Variants in DPEP1 observed in about 807,000 individuals in gnomAD.
The protein encoded by DPEP1 is beta-lactamase.
In DPEP1, 50 loss-of-function variants were observed where a neutral mutation model predicts 42.3. The observed-to-expected ratio is 1.18, with a 90% confidence interval of 0.94 to 1.50. The LOEUF (loss-of-function observed/expected upper bound fraction) is 1.50, where lower values mean the gene tolerates loss of function less well. Ranked by LOEUF, DPEP1 falls within the 40% of genes most tolerant of loss-of-function variation. The probability of loss-of-function intolerance (pLI) is 0.00; values close to 1 mark genes in which losing one functional copy is unlikely to be tolerated. For synonymous variants in DPEP1, 297 were observed against 234.0 expected, an observed-to-expected ratio of 1.27 and a Z score of -2.46; for missense variants, 663 against 553.0, an observed-to-expected ratio of 1.20 and a Z score of -1.99.
chr16:89,629,703 G>A (rs1476910665), intron 1 of DPEP1, among the ~76,000 whole-genome samples: 2 of 152,198 alleles, frequency 1.3e-5, no homozygotes, highest in Non-Finnish European at 2.9e-5. Context: ...GCTCTGCTGA[G>A]TCCTAGAGAG....
intron 1 of DPEP1, among the ~76,000 whole-genome samples, chr16:89,614,594 A>T (rs892539072): frequency 1.3e-5 from 2 of 152,192 alleles, no homozygotes; most frequent in African/African-American, 4.8e-5. Context: ...GGAGATCGAG[A>T]CCATCCTGGC....
At chr16:89,621,640 G>A (rs1206987370) in intron 1 of DPEP1, among the ~76,000 whole-genome samples, 1 of 152,232 alleles carries the variant, frequency 6.6e-6, no homozygotes, top group Non-Finnish European at 1.5e-5. Context: ...GCCCCACGCT[G>A]AGTGTGGGCT....
intron 1 of DPEP1, among the ~76,000 whole-genome samples, chr16:89,621,848 C>T (rs899935258): frequency 1.2e-4 from 19 of 152,176 alleles, no homozygotes; most frequent in African/African-American, 4.6e-4. Flanking sequence ...CCCAGGTGTT[C>T]TCGTCTGCGA....
At chr16:89,622,636 T>C (rs2059459358) in intron 1 of DPEP1, among the ~76,000 whole-genome samples, 1 of 151,692 alleles carries the variant, frequency 6.6e-6, no homozygotes. Context: ...ATACAAAAAT[T>C]AGTCGGGCGT....
At chr16:89,623,455 G>T (rs2059469973) in intron 1 of DPEP1, among the ~76,000 whole-genome samples, 1 of 152,186 alleles carries the variant, frequency 6.6e-6, no homozygotes, top group Non-Finnish European at 1.5e-5. Flanking sequence ...TAGTGACAAA[G>T]ATTGCCCGCT....
intron 1 of DPEP1, among the ~76,000 whole-genome samples, chr16:89,625,275 C>G (rs1444931844): frequency 6.6e-6 from 1 of 152,150 alleles, no homozygotes; most frequent in East Asian, 1.9e-4. Context: ...GTTCCCTGCC[C>G]CCAGACCCTA....
chr16:89,615,763 G>A (rs1272343582), intron 1 of DPEP1, among the ~76,000 whole-genome samples: 1 of 152,208 alleles, frequency 6.6e-6, no homozygotes, highest in Admixed American at 6.5e-5. Context: ...GAGGGCAGGA[G>A]CTGCAGCAGC....
At chr16:89,631,743 G>C (rs1223589047) in intron 2 of DPEP1, among the ~76,000 whole-genome samples, 1 of 152,182 alleles carries the variant, frequency 6.6e-6, no homozygotes, top group African/African-American at 2.4e-5. Flanking sequence ...TGTAGTCCCA[G>C]ATACTCAGGA....
intron 2 of DPEP1, among the ~76,000 whole-genome samples, chr16:89,631,175 C>T (rs1235897654): frequency 6.6e-6 from 1 of 152,134 alleles, no homozygotes; most frequent in African/African-American, 2.4e-5. Context: ...CCTGCCTTCT[C>T]CCGGGGGGAG....
rs1444428491 is a variant in DPEP1 at position 89,637,239 on chromosome 16, C to T, written c.627C>T (p.Leu209=). Residue 209 remains leucine (L), a synonymous_variant, in exon 7 of 11, where the codon CTC becomes CTT. Transcript: ENST00000690203. The part of the protein sequence containing the change: ...VVKELNRLGV[L]IDLAHVSVAT... The stretch of plus-strand genomic sequence containing the variant: ...AGGAGCTGAACCGTCTGGGGGTCCT[C>T]ATCGACTTGGCTCACGTGTCTGTGG... 1 of 1,612,604 alleles carries T rather than the reference C, an allele frequency of 6.2e-7. No individual in the cohort carries two copies. Among genetic ancestry groups the T allele is most frequent in the African/African-American group, 1.3e-5 (1 of 74,934 alleles).
At chr16:89,627,033 G>A (rs907028856) in intron 1 of DPEP1, among the ~76,000 whole-genome samples, 10 of 151,730 alleles carry the variant, frequency 6.6e-5, no homozygotes, top group Admixed American at 2.0e-4. Context: ...AGGCCGAGGC[G>A]GGCGGATCAC....
Position 89,636,005 on chromosome 16 carries a change from A to G in DPEP1, c.202A>G (p.Ile68Val). ...LTTLAGTHTN[I>V]PKLRAGFVGG... Reference sequence around the variant, plus strand: ...CACCTTGGCCGGCACACACACCAACATCCCCAAGCTGAGGGCCGGCTTTGT... The same window carrying G: ...CACCTTGGCCGGCACACACACCAACGTCCCCAAGCTGAGGGCCGGCTTTGT... Residue 68 changes from isoleucine to valine, a missense_variant, in exon 3 of 11, where the codon ATC becomes GTC. Coordinates refer to ENST00000690203, the MANE Select transcript of DPEP1 (RefSeq NM_001389466.1). 1.2e-6 allele frequency: 2 copies of G among 1,611,936 alleles called. No homozygotes were observed. Among genetic ancestry groups the G allele is most frequent in the East Asian group, 2.2e-5 (1 of 44,868 alleles).
At chr16:89,629,413 G>A (rs1319580274) in intron 1 of DPEP1, among the ~76,000 whole-genome samples, 3 of 152,096 alleles carry the variant, frequency 2.0e-5, no homozygotes, top group African/African-American at 7.2e-5. Flanking sequence ...CAGGCAGGAG[G>A]GTTGCTTGGG....
intron 1 of DPEP1, among the ~76,000 whole-genome samples, chr16:89,625,139 C>T (rs2059491817): frequency 6.6e-6 from 1 of 152,076 alleles, no homozygotes; most frequent in South Asian, 2.1e-4. Context: ...ATTCAGCGTG[C>T]TTTGGCCTCG....
chr16:89,618,438 A>G (rs907938011), intron 1 of DPEP1, among the ~76,000 whole-genome samples: 1 of 152,122 alleles, frequency 6.6e-6, no homozygotes, highest in Non-Finnish European at 1.5e-5. Flanking sequence ...GGCTGGTCTC[A>G]AACTCCTGGC....
intron 1 of DPEP1, among the ~76,000 whole-genome samples, chr16:89,617,460 A>T (rs1314140055): frequency 1.3e-5 from 2 of 152,214 alleles, no homozygotes; most frequent in Non-Finnish European, 2.9e-5. Context: ...AGGTGGAAGC[A>T]TCCACGCCAG....
downstream of DPEP1, among the ~76,000 whole-genome samples, chr16:89,640,087 G>A (rs1013079460): frequency 2.4e-4 from 36 of 152,246 alleles, 1 homozygote; most frequent in Admixed American, 2.2e-3. Flanking sequence ...TGGTCCAGGC[G>A]TGAGCTGCCC....
At chr16:89,629,511 C>A (rs1034763319) in intron 1 of DPEP1, among the ~76,000 whole-genome samples, 1 of 8,136 alleles carries the variant, frequency 1.2e-4, no homozygotes, top group South Asian at 2.5e-3. Context: ...CTCCCCCCAC[C>A]CCCCCCCGAA....
chr16:89,618,775 C>A (rs1445122986), intron 1 of DPEP1, among the ~76,000 whole-genome samples: 1 of 151,864 alleles, frequency 6.6e-6, no homozygotes, highest in Non-Finnish European at 1.5e-5. Flanking sequence ...GCACAATTCG[C>A]ATTTTGTAAC....
Sources: gnomAD v4.1 joint callset for allele counts (sites outside exome capture counted in the v4.1 genomes callset) on GRCh38, gnomAD v4.1.1 for gene constraint, MANE v1.5 for transcripts, NCBI Gene and HGNC (gene_info 2026-07-23, HGNC 2026-07-21) for gene names.